COG3: variants seen among roughly 807,000 people sequenced by gnomAD.
The protein encoded by COG3 is component of oligomeric golgi complex 3.
A neutral mutation model predicts 114.1 loss-of-function variants in COG3; 32 were observed. The observed-to-expected ratio is 0.28, with a 90% CI of 0.21 to 0.38. COG3 has a LOEUF of 0.38. Ranked by LOEUF, COG3 falls within the 10% of genes least tolerant of loss-of-function variation. The probability of loss-of-function intolerance (pLI) is 1.00; values close to 1 mark genes in which losing one functional copy is unlikely to be tolerated. For missense variants in COG3, 813 were observed against 973.2 expected (o/e 0.84, Z 2.19); for synonymous variants, 352 against 365.7 (o/e 0.96, Z 0.43).
At chr13:45,503,535 G>C (rs1869775466) in intron 14 of COG3, among the ~76,000 whole-genome samples, 186 bp downstream of exon 14, 1 of 152,146 alleles carries the variant, frequency 6.6e-6, no homozygotes, top group Non-Finnish European at 1.5e-5. Flanking sequence ...TTTGCACAGG[G>C]TACCCTTGGA....
chr13:45,508,949 C>T (rs1477270778), intron 14 of COG3, among the ~76,000 whole-genome samples: 2 of 152,068 alleles, frequency 1.3e-5, no homozygotes, highest in East Asian at 1.9e-4. Context: ...TGATTAATCC[C>T]CCTGTTTAGA....
At chr13:45,474,190 C>T (rs1885708515) in intron 1 of COG3, among the ~76,000 whole-genome samples, 1 of 120,540 alleles carries the variant, frequency 8.3e-6, no homozygotes, top group African/African-American at 3.4e-5. Flanking sequence ...TGGAGTCTCG[C>T]TCTGTCGCCC....
Position 45,490,965 on chromosome 13 carries a change from ACC to A in COG3, c.968+8_968+9del. ...GGTCTGAAAAAATACCTGAGTGAGTACCTAGAAGTTAATCTGATTTCCACATG... is the reference window on the plus strand; with the variant it reads ...GGTCTGAAAAAATACCTGAGTGAGTATAGAAGTTAATCTGATTTCCACATG... On this transcript the variant is annotated splice_region_variant and intron_variant, in intron 9 of 22. Transcript: ENST00000349995. 6.4e-7 allele frequency: 1 copy of A among 1,570,372 alleles called. No homozygotes were observed. Among genetic ancestry groups the A allele is most frequent in the Non-Finnish European group, 8.7e-7 (1 of 1,143,508 alleles).
At position 45,503,252 on chromosome 13, in the gene COG3, A is replaced by G. The variant is rs781456001; in HGVS notation, c.1497A>G (p.Ala499=). The G allele has an allele frequency of 7.7e-6, 12 of 1,566,728 alleles. No individual in the cohort carries two copies. In the South Asian group the frequency reaches 1.3e-4, roughly 17 times the overall value. Residue 499 remains alanine (A), a synonymous_variant, in exon 14 of 23, where the codon GCA becomes GCG. Transcript: ENST00000349995. The part of the protein sequence containing the change: ...PDKLVMMEQI[A]QSLKDEQKKV... ...CTGATTTCTTTATACAGCAGATTGC[A>G]CAGAGTTTGAAAGATGAACAGAAGA...
At chr13:45,489,969 T>C (rs1221225266) in intron 8 of COG3, among the ~76,000 whole-genome samples, 1 of 152,052 alleles carries the variant, frequency 6.6e-6, no homozygotes, top group East Asian at 1.9e-4. Context: ...TTAAGAAACA[T>C]CCCAAATAGG....
chr13:45,518,986 T>C lies in COG3; in HGVS notation c.2046T>C (p.Tyr682=). 6.2e-7 allele frequency: 1 copy of C among 1,614,148 alleles called. No individual in the cohort carries two copies. Among genetic ancestry groups the C allele is most frequent in the African/African-American group, 1.3e-5 (1 of 75,040 alleles). Residue 682 remains tyrosine, a synonymous_variant, in exon 19 of 23, where the codon TAT becomes TAC. Coordinates refer to ENST00000349995, the MANE Select transcript of COG3 (RefSeq NM_031431.4). The part of the protein sequence containing the change: ...LEGTPEIREH[Y]LDSKKDVDRH... ...GTACTCCTGAGATAAGAGAACATTA[T>C]CTTGACTCTAAAAAAGACGTAGACC...
Position 45,483,320 on chromosome 13 carries a change from A to G in COG3, c.808A>G (p.Thr270Ala). 6.2e-7 allele frequency: 1 copy of G among 1,605,362 alleles called. No individual in the cohort carries two copies. The highest frequency in any genetic ancestry group is 8.5e-7 in the Non-Finnish European group (1 of 1,173,858). Residue 270 changes from threonine (T) to alanine (A), a missense_variant, in exon 7 of 23, where the codon ACA becomes GCA. Around this residue, in one of 2 missense-constraint regions of COG3, gnomAD observed 424 missense variants for 430.6 expected, o/e 0.98. Transcript: ENST00000349995. ...LHLMKTYTVN[T>A]LQTLTSQLLK... is the part of the protein sequence containing the mutation. ...CCTCATGAAGACATATACTGTGAAC[A>G]CACTACAGACCCTCACAAGTCAGTT...
intron 8 of COG3, 97 bp from the exon 9 acceptor site, chr13:45,490,818 G>A (rs1332019964): frequency 8.4e-5 from 49 of 580,586 alleles, no homozygotes; most frequent in Non-Finnish European, 2.8e-6. Context: ...TATATTTACA[G>A]TTTTTCTGAA....
At chr13:45,481,997 T>C (rs1312638495) in intron 5 of COG3, among the ~76,000 whole-genome samples, 1 of 152,138 alleles carries the variant, frequency 6.6e-6, no homozygotes, top group Non-Finnish European at 1.5e-5. Flanking sequence ...TGACTGCTAG[T>C]TAATCCTTTA....
Position 45,476,324 on chromosome 13 carries a change from G to C in COG3, c.298G>C (p.Glu100Gln). Residue 100 changes from glutamate to glutamine, a missense_variant, in exon 2 of 23, where the codon GAA (glutamate) becomes CAA (glutamine). Physicochemically the swap from Glu to Gln is conservative, Grantham distance 29. Coordinates refer to ENST00000349995, the MANE Select transcript of COG3 (RefSeq NM_031431.4). ...KGFTSLGMEE[E>Q]RIETAQQFFS... ...CTTCACTTCCTTAGGAATGGAAGAA[G>C]AAAGAATTGAAACCGCACAGCAGGT... 1.2e-6 allele frequency: 2 copies of C among 1,613,844 alleles called. No individual in the cohort carries two copies. The highest frequency in any genetic ancestry group is 2.2e-5 in the South Asian group (2 of 91,070).
intron 13 of COG3, among the ~76,000 whole-genome samples, chr13:45,496,989 T>C (rs1868872108): frequency 6.6e-6 from 1 of 152,248 alleles, no homozygotes; most frequent in African/African-American, 2.4e-5. Flanking sequence ...AGTTATGTTT[T>C]ATAAACATTC....
At chr13:45,507,154 A>G (rs924771108) in intron 14 of COG3, among the ~76,000 whole-genome samples, 1 of 152,204 alleles carries the variant, frequency 6.6e-6, no homozygotes, top group African/African-American at 2.4e-5. Flanking sequence ...TTCTGGCTTT[A>G]AAGTACTTAA....
At chr13:45,489,162 G>A (rs1264750957) in intron 8 of COG3, among the ~76,000 whole-genome samples, 1 of 132,290 alleles carries the variant, frequency 7.6e-6, no homozygotes, top group East Asian at 2.2e-4. Context: ...ACTCCAGCCT[G>A]GGTGACAAAG....
intron 8 of COG3, among the ~76,000 whole-genome samples, chr13:45,489,496 A>G (rs557582829): frequency 2.6e-5 from 4 of 152,172 alleles, no homozygotes; most frequent in Non-Finnish European, 4.4e-5. Context: ...GAAAAGGTAT[A>G]GATAAGAGGG....
intron 7 of COG3, among the ~76,000 whole-genome samples, chr13:45,483,795 C>G (rs1000268680): frequency 6.6e-6 from 1 of 151,978 alleles, no homozygotes. Context: ...CTTCTTTACC[C>G]TTTTTTTGTA....
At position 45,525,634 on chromosome 13, in the gene COG3, G is replaced by GTTTTTTTTTTTTTTTTT. The variant is rs59577529; in HGVS notation, c.2230+585_2230+601dup. Among the ~76,000 whole-genome samples the GTTTTTTTTTTTTTTTTT allele has an allele frequency of 1.9e-3, 106 of 56,614 alleles. 3 individuals carry two copies. Among genetic ancestry groups the GTTTTTTTTTTTTTTTTT allele is most frequent in the African/African-American group, 3.3e-3 (43 of 12,962 alleles). 37.1% of individuals were successfully genotyped at this position (56,614 alleles called of 152,430 possible). A position where few individuals can be genotyped will look rare whatever the true frequency, so the allele number is the denominator to read the frequency against. On this transcript the variant is annotated intron_variant, in intron 20 of 22. Transcript: ENST00000349995. ...ATTTTTTTGTGCTGGAGGGCTTTGG[G>GTTTTTTTTTTTTTTTTT]TTTTTTTTTTTTTTTTTTGGTCTTT...
intron 19 of COG3, among the ~76,000 whole-genome samples, chr13:45,523,318 T>C (rs1372103799): frequency 5.3e-5 from 8 of 152,220 alleles, no homozygotes; most frequent in Non-Finnish European, 1.2e-4. Context: ...TTTTTTTTCT[T>C]GATCTAGTGC....
Position 45,534,896 on chromosome 13 carries a change from C to T in COG3, c.*165C>T. On this transcript the variant is annotated 3_prime_UTR_variant, in exon 23 of 23. Coordinates refer to ENST00000349995, the MANE Select transcript of COG3 (RefSeq NM_031431.4). ...AGAATGAAATAGAAGCAAAGTGTTA[C>T]AGGATCAGTGTTTTCTTTTCTAAAA... The T allele has an allele frequency of 7.9e-7, 1 of 1,266,706 alleles. No individual in the cohort carries two copies. Among genetic ancestry groups the T allele is most frequent in the Non-Finnish European group, 9.9e-7 (1 of 1,007,826 alleles). The allele number at this position is 1,266,706 out of a possible 1,614,324, so 78.5% of individuals were successfully genotyped here. A position where few individuals can be genotyped will look rare whatever the true frequency, so the allele number is the denominator to read the frequency against.
chr13:45,534,171 TAA>T (rs987980467), intron 22 of COG3, among the ~76,000 whole-genome samples: 4 of 152,376 alleles, frequency 2.6e-5, no homozygotes, highest in South Asian at 4.1e-4. Context: ...TTGTGCGTTT[TAA>T]AAAGTCACTT....
Sources: allele counts gnomAD v4.1 joint callset (sites outside exome capture counted in the v4.1 genomes callset), GRCh38; gene constraint gnomAD v4.1.1; regional missense constraint gnomAD v4.1.1; transcripts MANE v1.5; gene names NCBI Gene and HGNC (gene_info 2026-07-23, HGNC 2026-07-21).